The following TOP1MT variants were observed in gnomAD, a reference collection of about 807,000 sequenced individuals.
The protein encoded by TOP1MT is DNA topoisomerase I mitochondrial, also known as DNA topoisomerase I, mitochondrial.
A neutral mutation model predicts 73.9 loss-of-function variants in TOP1MT; 80 were observed. That is an observed-to-expected ratio of 1.08 (90% CI 0.90 to 1.30). TOP1MT has a LOEUF of 1.30. Ranked by LOEUF, TOP1MT falls within the 50% of genes most tolerant of loss-of-function variation. TOP1MT has a pLI of 0.00. For missense variants in TOP1MT, 815 were observed against 808.0 expected (o/e 1.01, Z -0.10); for synonymous variants, 338 against 326.4 (o/e 1.04, Z -0.38).
chr8:143,316,817 C>T (rs1011139436), intron 10 of TOP1MT, among the ~76,000 whole-genome samples: 11 of 152,210 alleles, frequency 7.2e-5, no homozygotes, highest in African/African-American at 2.2e-4. Context: ...TCTGGAAGCA[C>T]GTCCACAGTG....
chr8:143,321,750 G>A (rs114954551), intron 7 of TOP1MT, among the ~76,000 whole-genome samples: 4,782 of 89,114 alleles, frequency 0.054, 461 homozygotes, highest in African/African-American at 0.073. Flanking sequence ...ACACACGCAC[G>A]CCACAAACAC....
Position 143,324,503 on chromosome 8 carries a change from G to A in TOP1MT, c.798C>T (p.Asn266=), listed in dbSNP as rs201490359. 6.2e-7 allele frequency: 1 copy of A among 1,613,964 alleles called. No homozygotes were observed. The highest frequency in any genetic ancestry group is 8.5e-7 in the Non-Finnish European group (1 of 1,180,028). ...CGCTCACCTTCAGCTTCGAGCAAGG[G>A]TTCAGCATGATGTACTTGATGGAGT... ...VQNSIKYIML[N]PCSKLKGETA... The change falls in exon 6 of 14, where the codon AAC becomes AAT. Residue 266 remains asparagine (N), a synonymous_variant. Transcript: ENST00000329245.
chr8:143,355,439 G>A (rs1454347823), intron 1 of TOP1MT: 2 of 152,102 alleles, frequency 1.3e-5, no homozygotes, highest in Admixed American at 6.6e-5. Context: ...TTTGTTCTGC[G>A]GGACACAGAA....
chr8:143,329,234 G>C (rs2130285918), intron 3 of TOP1MT, 116 bp downstream of exon 3: 1 of 1,152,594 alleles, frequency 8.7e-7, no homozygotes, highest in Non-Finnish European at 1.2e-6. Context: ...ACCTGTGAGT[G>C]GTCACACAGG....
intron 3 of TOP1MT, chr8:143,327,300 G>A (rs1247542258): frequency 6.6e-6 from 1 of 152,526 alleles, no homozygotes; most frequent in Non-Finnish European, 1.5e-5. Context: ...AGGAGACACT[G>A]ACCTGAGGGA....
At chr8:143,321,088 C>T (rs1003509346) in intron 8 of TOP1MT, 113 bp downstream of exon 8, 1 of 1,133,092 alleles carries the variant, frequency 8.8e-7, no homozygotes, top group African/African-American at 1.6e-5. Context: ...CCTCACCCAG[C>T]AGGCAGGACG....
At chr8:143,354,779 C>T (rs533749925) in intron 1 of TOP1MT, among the ~76,000 whole-genome samples, 1 of 152,008 alleles carries the variant, frequency 6.6e-6, no homozygotes, top group African/African-American at 2.4e-5. Context: ...AAAGAGTCAT[C>T]TGAGAATTGG....
Position 143,322,477 on chromosome 8 carries a change from CA to C in TOP1MT, c.961-1092del, listed in dbSNP as rs1563759345. Reference sequence around the variant, plus strand: ...AGGCATGCCACACAGGCACGCCACACAGGCACGCCACACGCACGCCACACAC... The same window carrying C: ...AGGCATGCCACACAGGCACGCCACACGGCACGCCACACGCACGCCACACAC... On this transcript the variant is annotated intron_variant, in intron 7 of 13. Transcript: ENST00000329245. Among the ~76,000 whole-genome samples, 67 of 125,156 alleles carry C rather than the reference CA, an allele frequency of 5.4e-4. 2 individuals are homozygous for C. The highest frequency in any genetic ancestry group is 1.7e-4 in the Non-Finnish European group (10 of 59,628). The allele number at this position is 125,156 out of a possible 152,430, so 82.1% of individuals were successfully genotyped here.
intron 7 of TOP1MT, among the ~76,000 whole-genome samples, chr8:143,323,551 C>T (rs145388654): frequency 0.048 from 2,515 of 52,342 alleles, 147 homozygotes; most frequent in East Asian, 0.18. Context: ...TCACCACACA[C>T]GCACGCCACA....
At chr8:143,328,185 G>A (rs1454218174) in intron 3 of TOP1MT, 2 of 452,278 alleles carry the variant, frequency 4.4e-6, no homozygotes, top group Admixed American at 2.4e-5. Context: ...GGACACAAAA[G>A]TACTCACCAT....
chr8:143,355,267 T>C (rs1817389318), intron 1 of TOP1MT: 1 of 152,230 alleles, frequency 6.6e-6, no homozygotes, highest in Admixed American at 6.5e-5. Context: ...GCTTAGTTCA[T>C]CTATGGAAAC....
intron 12 of TOP1MT, among the ~76,000 whole-genome samples, chr8:143,311,116 GATTT>G (rs1816002740): frequency 8.3e-6 from 1 of 120,984 alleles, no homozygotes; most frequent in African/African-American, 3.7e-5. Flanking sequence ...CCACGCACAT[GATTT>G]TTTTTTTTTT....
chr8:143,317,233 G>A lies in TOP1MT; in HGVS notation c.1330+490C>T, dbSNP rs537300724. ...GAGCAGGGGCAGCGCCAGGGACAGA[G>A]GGAGGAGAGGCCCTCGCCAAGCTTA... On this transcript the variant is annotated intron_variant, in intron 10 of 13. Transcript: ENST00000329245. Among the ~76,000 whole-genome samples, 7 of 152,316 alleles carry A rather than the reference G, an allele frequency of 4.6e-5. No homozygotes were observed. In the East Asian group the frequency reaches 1.2e-3, roughly 25 times the overall value.
intron 3 of TOP1MT, among the ~76,000 whole-genome samples, chr8:143,328,783 C>T (rs866871057): frequency 2.3e-4 from 35 of 152,316 alleles, no homozygotes; most frequent in Middle Eastern, 3.4e-3. Flanking sequence ...GAAGATGCTG[C>T]GGGACAAGCA....
At chr8:143,355,101 G>A (rs544879704) in intron 1 of TOP1MT, among the ~76,000 whole-genome samples, 4 of 152,156 alleles carry the variant, frequency 2.6e-5, no homozygotes, top group African/African-American at 7.2e-5. Flanking sequence ...GCTCACAGCC[G>A]GGATGGCAGG....
chr8:143,312,183 A>G (rs112873965), intron 12 of TOP1MT, among the ~76,000 whole-genome samples: 188 of 152,374 alleles, frequency 1.2e-3, no homozygotes, highest in African/African-American at 4.3e-3. Flanking sequence ...CCAATTTTTC[A>G]TAAACTTTCA....
At position 143,315,758 on chromosome 8, in the gene TOP1MT, G is replaced by A; in HGVS notation, c.1522C>T (p.His508Tyr). Residue 508 changes from histidine to tyrosine, a missense_variant, in exon 12 of 14, where the codon CAC becomes TAC. His to Tyr is a moderately conservative substitution (Grantham distance 83). This residue lies in a region of TOP1MT where 751 missense variants were observed against 725.4 expected (regional missense o/e 1.04). Coordinates refer to ENST00000329245, the MANE Select transcript of TOP1MT (RefSeq NM_052963.3). ...GACTTGCCATCCCCTTGGGCTTTGTGCTCAGCCCTCGCCCTCCTCAGCTCT... is the reference window on the plus strand; with the variant it reads ...GACTTGCCATCCCCTTGGGCTTTGTACTCAGCCCTCGCCCTCCTCAGCTCT... ...RAELRRARAE[H>Y]KAQGDGKSRS... 2 of 1,614,070 alleles carry A rather than the reference G, an allele frequency of 1.2e-6. No homozygotes were observed. Among genetic ancestry groups the A allele is most frequent in the Non-Finnish European group, 1.7e-6 (2 of 1,180,016 alleles).
intron 1 of TOP1MT, among the ~76,000 whole-genome samples, chr8:143,332,320 C>A (rs1028638952): frequency 6.6e-6 from 1 of 152,152 alleles, no homozygotes. Flanking sequence ...AGCAGGGCTG[C>A]GGGAAGAGCA....
At chr8:143,342,544 T>C (rs868047144) in intron 2 of TOP1MT, among the ~76,000 whole-genome samples, 1,399 of 129,908 alleles carry the variant, frequency 0.011, 14 homozygotes, top group African/African-American at 0.044. Context: ...GCTCTGTTAT[T>C]ATTATTATTA....
Sources: gnomAD v4.1 joint callset for allele counts (sites outside exome capture counted in the v4.1 genomes callset) on GRCh38, gnomAD v4.1.1 for gene constraint, gnomAD v4.1.1 regional missense constraint, MANE v1.5 for transcripts, NCBI Gene and HGNC (gene_info 2026-07-23, HGNC 2026-07-21) for gene names.